Variants in C4orf50 observed in about 807,000 individuals in gnomAD.
C4orf50 encodes the protein chromosome 4 open reading frame 50.
In C4orf50, 80 loss-of-function variants were observed where a neutral mutation model predicts 77.2. The ratio of observed to expected loss-of-function variants is 1.04; its 90% confidence interval spans 0.87 to 1.25. C4orf50 has a LOEUF of 1.25. Ranked by LOEUF, C4orf50 falls within the 50% of genes most tolerant of loss-of-function variation. The probability of loss-of-function intolerance (pLI) is 0.00; values close to 1 mark genes in which losing one functional copy is unlikely to be tolerated. For missense variants in C4orf50, 1,257 were observed against 1,152.9 expected (o/e 1.09, Z -1.31); for synonymous variants, 532 against 465.3 (o/e 1.14, Z -1.84).
At chr4:5,997,032 G>A (rs1721622360) in intron 25 of C4orf50, among the ~76,000 whole-genome samples, 1 of 152,232 alleles carries the variant, frequency 6.6e-6, no homozygotes, top group Non-Finnish European at 1.5e-5. Flanking sequence ...GAAAGAAGGT[G>A]AATGACAAAG....
Position 5,958,988 on chromosome 4 carries a change from C to T in C4orf50, c.*387G>A, listed in dbSNP as rs1719119983. 1 of 201,398 alleles carries T rather than the reference C, an allele frequency of 5.0e-6. No individual in the cohort carries two copies. Among genetic ancestry groups the T allele is most frequent in the African/African-American group, 2.3e-5 (1 of 43,554 alleles). 12.5% of individuals were successfully genotyped at this position (201,398 alleles called of 1,614,324 possible). A position where few individuals can be genotyped will look rare whatever the true frequency, so the allele number is the denominator to read the frequency against. ...GTATTGTAGGACATTTCATAGCATCCCTGGCCTCTACCCACCAGATGCCAG... is the reference window on the plus strand; with the variant it reads ...GTATTGTAGGACATTTCATAGCATCTCTGGCCTCTACCCACCAGATGCCAG... On this transcript the variant is annotated 3_prime_UTR_variant, in exon 34 of 34. Coordinates refer to ENST00000531445, the Ensembl canonical transcript of C4orf50. This position sits in a 1 kb window ranked among gnomAD's most constrained non-coding sequence, Gnocchi z 5.4.
At chr4:5,959,403 T>C (rs777693019) in exon 34 of C4orf50, 9 of 1,614,208 alleles carry the variant, frequency 5.6e-6, no homozygotes, top group East Asian at 2.2e-5. Context: ...CGGTGATTTA[T>C]GGACCTGGGA....
In C4orf50 at chr4:5,974,822, C is replaced by T. The variant is rs191831763; in HGVS notation, c.3922-981G>A. Among the ~76,000 whole-genome samples, 370 of 151,534 alleles carry T rather than the reference C, an allele frequency of 2.4e-3. 1 individual carries two copies. Among genetic ancestry groups the T allele is most frequent in the African/African-American group, 8.5e-3 (352 of 41,512 alleles). On this transcript the variant is annotated intron_variant, in intron 30 of 33. Coordinates refer to ENST00000531445, the Ensembl canonical transcript of C4orf50. ...GATCTTAAACATAAATGTCTAGATA[C>T]GTGGAGAAAACCTTTCTGAGAAAAC...
intron 7 of C4orf50, among the ~76,000 whole-genome samples, chr4:5,907,237 T>C (rs1462048962): frequency 6.6e-6 from 1 of 152,234 alleles, no homozygotes; most frequent in Non-Finnish European, 1.5e-5. Flanking sequence ...AACATATAGA[T>C]ACTGCATTCA....
Position 5,900,410 on chromosome 4 carries a change from T to C in C4orf50, c.*2475-2222A>G, listed in dbSNP as rs1716295148. ...GTAAGGAAGGCTACGGAAGGGTGGA[T>C]TTAAAGATCAATCATGTAAGTCTAG... On this transcript the variant is annotated intron_variant, in intron 7 of 7. Transcript: ENST00000324058. The surrounding 1 kb of genome is among the most constrained non-coding windows in gnomAD (Gnocchi z 4.3). 1 of 151,404 alleles carries C rather than the reference T, an allele frequency of 6.6e-6. No individual in the cohort carries two copies. The highest frequency in any genetic ancestry group is 2.4e-5 in the African/African-American group (1 of 41,168). The allele number at this position is 151,404 out of a possible 1,614,324, so 9.4% of individuals were successfully genotyped here.
chr4:5,926,325 G>A (rs895977329), intron 7 of C4orf50, among the ~76,000 whole-genome samples: 1 of 152,162 alleles, frequency 6.6e-6, no homozygotes, highest in Non-Finnish European at 1.5e-5. Context: ...CTAGGTGAAA[G>A]GAAACAGACA....
At chr4:5,936,486 C>T (rs148512071) in intron 7 of C4orf50, among the ~76,000 whole-genome samples, 113 of 140,584 alleles carry the variant, frequency 8.0e-4, no homozygotes, top group African/African-American at 3.0e-3. Context: ...TGCTTGAACC[C>T]AGGAGGTGAA....
At position 5,898,828 on chromosome 4, in the gene C4orf50, T is replaced by A. The variant is rs151033626; in HGVS notation, c.*2475-640A>T. The A allele has an allele frequency of 2.2e-4, 33 of 152,342 alleles. No individual in the cohort carries two copies. The East Asian group carries it at 6.4e-3, about 29-fold the overall frequency. 9.4% of individuals were successfully genotyped at this position (152,342 alleles called of 1,614,324 possible). On this transcript the variant is annotated intron_variant, in intron 7 of 7. Coordinates refer to the C4orf50 transcript ENST00000324058. ...ATGCTTGGACACAGCCTGCTGGTGT[T>A]TTCAGAGACAAAAAAAAATGGTGTT...
At chr4:5,918,017 C>T (rs1016283491) in intron 7 of C4orf50, among the ~76,000 whole-genome samples, 3 of 152,072 alleles carry the variant, frequency 2.0e-5, no homozygotes, top group African/African-American at 7.2e-5. Flanking sequence ...TCTAGGGCCC[C>T]GAGGGTGAAG....
intron 25 of C4orf50, among the ~76,000 whole-genome samples, chr4:5,996,238 C>T (rs983603441): frequency 6.6e-5 from 10 of 152,186 alleles, no homozygotes; most frequent in Admixed American, 6.5e-4. Context: ...GCTGTCACAT[C>T]CTTCTTGGGA....
chr4:5,941,585 T>C (rs1009069411), intron 7 of C4orf50, among the ~76,000 whole-genome samples: 1 of 152,256 alleles, frequency 6.6e-6, no homozygotes, highest in East Asian at 1.9e-4. Flanking sequence ...ATGCCTGCAG[T>C]GTGCCCAATA....
chr4:5,985,547 A>G (rs546089135), intron 28 of C4orf50, among the ~76,000 whole-genome samples: 56 of 152,220 alleles, frequency 3.7e-4, no homozygotes, highest in African/African-American at 1.2e-3. Flanking sequence ...AAAGAATAAT[A>G]CTAAAACATA....
chr4:6,014,589 C>T (rs1452009682), intron 23 of C4orf50, among the ~76,000 whole-genome samples: 3 of 152,222 alleles, frequency 2.0e-5, no homozygotes, highest in Non-Finnish European at 2.9e-5. Flanking sequence ...CCCAGCTAGA[C>T]CCAAACACAT....
chr4:5,985,127 A>C (rs1012157355), intron 28 of C4orf50, among the ~76,000 whole-genome samples: 18 of 152,280 alleles, frequency 1.2e-4, no homozygotes, highest in African/African-American at 4.3e-4. Context: ...CCTAAAATTC[A>C]GAATCCAATG....
intron 7 of C4orf50, among the ~76,000 whole-genome samples, chr4:5,950,921 T>A (rs1055509331): frequency 1.3e-5 from 2 of 152,244 alleles, no homozygotes; most frequent in Non-Finnish European, 2.9e-5. Flanking sequence ...ATGAATTACC[T>A]ACGGCATTAA....
At chr4:5,973,824 G>T in exon 31 of C4orf50, 2 of 1,612,082 alleles carry the variant, frequency 1.2e-6, no homozygotes, top group Non-Finnish European at 8.5e-7. Flanking sequence ...ACTTCCGGAC[G>T]AGGGAAGCTA....
At chr4:5,956,239 C>A (rs1212608111), downstream of C4orf50, among the ~76,000 whole-genome samples, 3 of 152,174 alleles carry the variant, frequency 2.0e-5, no homozygotes, top group Admixed American at 1.3e-4. Flanking sequence ...CCAACCCTAC[C>A]TGGGCTTTTG....
At chr4:5,991,410 C>T (rs1560589006) in intron 27 of C4orf50, among the ~76,000 whole-genome samples, 1 of 152,176 alleles carries the variant, frequency 6.6e-6, no homozygotes, top group East Asian at 1.9e-4. Flanking sequence ...TGCAGGTGGT[C>T]CACTCCCTGA....
intron 29 of C4orf50, among the ~76,000 whole-genome samples, chr4:5,977,044 C>T (rs1720329156): frequency 1.3e-5 from 2 of 152,152 alleles, no homozygotes; most frequent in South Asian, 2.1e-4. Context: ...CTGGGGAGAC[C>T]GTGAGACATG....
Sources: gnomAD v4.1 joint callset for allele counts (sites outside exome capture counted in the v4.1 genomes callset) on GRCh38, gnomAD v4.1.1 for gene constraint, Gnocchi (gnomAD v3.1) non-coding constraint, MANE v1.5 for transcripts, NCBI Gene and HGNC (gene_info 2026-07-23, HGNC 2026-07-21) for gene names.